Variants in SGCD observed in about 807,000 individuals in gnomAD.
SGCD encodes delta-sarcoglycan.
A neutral mutation model predicts 36.6 loss-of-function variants in SGCD; 18 were observed. The observed-to-expected ratio is 0.49, with a 90% confidence interval of 0.34 to 0.73. The LOEUF is 0.73. Ranked by LOEUF, SGCD falls within the 30% of genes least tolerant of loss-of-function variation. The pLI is 0.01. For missense variants in SGCD, 387 were observed against 346.7 expected (o/e 1.12, Z -0.92); for synonymous variants, 133 against 130.6 (o/e 1.02, Z -0.12).
At chr5:156,363,228 C>T (rs767509424) in intron 3 of SGCD, among the ~76,000 whole-genome samples, 1 of 152,146 alleles carries the variant, frequency 6.6e-6, no homozygotes, top group Non-Finnish European at 1.5e-5. Context: ...TCACTACTGA[C>T]CTCTAAATGT....
intron 3 of SGCD, among the ~76,000 whole-genome samples, chr5:156,477,343 C>T (rs1040710108): frequency 6.6e-6 from 1 of 152,128 alleles, no homozygotes; most frequent in South Asian, 2.1e-4. Context: ...ACCCATAGAA[C>T]CCACTCCTTA....
At chr5:155,749,594 T>A in the SGCD span, among the ~76,000 whole-genome samples, 1 of 152,354 alleles carries the variant, frequency 6.6e-6, no homozygotes. Flanking sequence ...CAGACGTTTT[T>A]GTAGTTTTCG....
chr5:156,099,837 G>A (rs1761476825), intron 1 of SGCD, among the ~76,000 whole-genome samples: 1 of 152,034 alleles, frequency 6.6e-6, no homozygotes, highest in South Asian at 2.1e-4. Context: ...AAGCCACTAA[G>A]TTTGTAGTAA....
At chr5:156,188,667 CG>C (rs113242890) in intron 3 of SGCD, among the ~76,000 whole-genome samples, 15,659 of 103,420 alleles carry the variant, frequency 0.15, 1,793 homozygotes, top group African/African-American at 0.41. Context: ...CCACCCCAAC[CG>C]CCCCCCCCGA....
chr5:155,899,733 T>TA (rs1222368894), intron 1 of SGCD, among the ~76,000 whole-genome samples: 1 of 152,182 alleles, frequency 6.6e-6, no homozygotes, highest in Non-Finnish European at 1.5e-5. Flanking sequence ...GGTTGAAACT[T>TA]ACCTTTTCAG....
chr5:156,344,879 A>T (rs1768868125), intron 3 of SGCD, among the ~76,000 whole-genome samples: 1 of 152,076 alleles, frequency 6.6e-6, no homozygotes, highest in African/African-American at 2.4e-5. Context: ...GGGGGCTAAT[A>T]CTCCAACTTA....
intron 3 of SGCD, among the ~76,000 whole-genome samples, chr5:156,168,572 A>C (rs1763266989): frequency 6.6e-6 from 1 of 152,224 alleles, no homozygotes; most frequent in African/African-American, 2.4e-5. Context: ...GTCCCAGAAA[A>C]GGCTCACAAC....
intron 4 of SGCD, among the ~76,000 whole-genome samples, chr5:156,525,331 G>T (rs1033638028): frequency 1.2e-4 from 19 of 152,048 alleles, no homozygotes; most frequent in African/African-American, 4.3e-4. Context: ...TAGTGGTGCT[G>T]AACACCTTTT....
chr5:156,562,588 CA>C (rs1237805674), intron 4 of SGCD, among the ~76,000 whole-genome samples: 1 of 151,830 alleles, frequency 6.6e-6, no homozygotes, highest in African/African-American at 2.4e-5. Flanking sequence ...AGGGAGACAT[CA>C]AAAAATTTTG....
intron 3 of SGCD, among the ~76,000 whole-genome samples, chr5:156,352,464 G>A (rs2127723420): frequency 6.6e-6 from 1 of 152,314 alleles, no homozygotes; most frequent in Non-Finnish European, 1.5e-5. Flanking sequence ...CTTTCAACAT[G>A]TGTTAACTGT....
chr5:156,657,591 C>T (rs890417679), intron 7 of SGCD, among the ~76,000 whole-genome samples: 4 of 151,796 alleles, frequency 2.6e-5, no homozygotes, highest in Non-Finnish European at 5.9e-5. Context: ...GGTGAAACCC[C>T]ATCTCTACTA....
intron 3 of SGCD, among the ~76,000 whole-genome samples, chr5:156,427,702 G>GT (rs1180790918): frequency 6.6e-6 from 1 of 152,038 alleles, no homozygotes; most frequent in East Asian, 1.9e-4. Context: ...TTACTTTGAG[G>GT]TATGTCCCTT....
chr5:156,481,230 G>T (rs1259076673), intron 3 of SGCD, among the ~76,000 whole-genome samples: 3 of 152,128 alleles, frequency 2.0e-5, no homozygotes, highest in Non-Finnish European at 4.4e-5. Flanking sequence ...AACCTACAAG[G>T]ACTGGCTAGT....
At chr5:156,430,007 G>C (rs1773862727) in intron 3 of SGCD, among the ~76,000 whole-genome samples, 1 of 152,056 alleles carries the variant, frequency 6.6e-6, no homozygotes, top group South Asian at 2.1e-4. Flanking sequence ...ATGTGCCTTG[G>C]TGATGATCTT....
chr5:156,360,086 C>T (rs1296015922), intron 3 of SGCD, among the ~76,000 whole-genome samples: 1 of 152,198 alleles, frequency 6.6e-6, no homozygotes, highest in Non-Finnish European at 1.5e-5. Flanking sequence ...CGGGTCCCCA[C>T]TGAAACCCCA....
intron 3 of SGCD, among the ~76,000 whole-genome samples, chr5:156,136,196 T>C (rs1002008366): frequency 1.3e-5 from 2 of 152,220 alleles, no homozygotes; most frequent in African/African-American, 4.8e-5. Flanking sequence ...CACTTCAGCC[T>C]CTGCCTCTTG....
the SGCD span, among the ~76,000 whole-genome samples, chr5:155,756,628 A>G: frequency 6.6e-6 from 1 of 152,220 alleles, no homozygotes; most frequent in African/African-American, 2.4e-5. Context: ...TTTAATAAAC[A>G]TAAGCTGTTG....
At chr5:155,805,344 G>A in the SGCD span, among the ~76,000 whole-genome samples, 1 of 152,320 alleles carries the variant, frequency 6.6e-6, no homozygotes, top group African/African-American at 2.4e-5. Context: ...TGGAAAATTA[G>A]GGATAGTTTT....
At chr5:156,754,311 T>G (rs531685959) in intron 7 of SGCD, among the ~76,000 whole-genome samples, 14 of 152,204 alleles carry the variant, frequency 9.2e-5, no homozygotes, top group Non-Finnish European at 1.8e-4. Context: ...ACCAAACTAT[T>G]CTGTTTATAT....
Sources: gnomAD v4.1 joint callset for allele counts (sites outside exome capture counted in the v4.1 genomes callset) on GRCh38, gnomAD v4.1.1 for gene constraint, MANE v1.5 for transcripts, NCBI Gene and HGNC (gene_info 2026-07-23, HGNC 2026-07-21) for gene names.